Variants in XKR9 observed in about 807,000 individuals in gnomAD.
XKR9 encodes the protein XK-related protein 9.
XKR9 carries 32 observed loss-of-function variants against 32.0 expected under a neutral mutation model. The ratio of observed to expected loss-of-function variants is 1.00; its 90% CI spans 0.76 to 1.34. The LOEUF (loss-of-function observed/expected upper bound fraction) is 1.34, where lower values mean the gene tolerates loss of function less well. Ranked by LOEUF, XKR9 falls within the 40% of genes most tolerant of loss-of-function variation. The pLI is 0.00. For missense variants in XKR9, 546 were observed against 429.7 expected (o/e 1.27, Z -2.39); for synonymous variants, 168 against 143.4 (o/e 1.17, Z -1.22).
At chr8:71,061,925 G>A in the XKR9 span, among the ~76,000 whole-genome samples, 5 of 152,348 alleles carry the variant, frequency 3.3e-5, no homozygotes, top group African/African-American at 1.2e-4. Flanking sequence ...ACTGCAGCAT[G>A]TTATGATTAC....
chr8:70,861,917 G>A, the XKR9 span, among the ~76,000 whole-genome samples: 1 of 152,078 alleles, frequency 6.6e-6, no homozygotes, highest in Admixed American at 6.6e-5. Flanking sequence ...GCTTATATGT[G>A]TACATATATA....
the XKR9 span, among the ~76,000 whole-genome samples, chr8:70,992,593 T>C: frequency 6.6e-6 from 1 of 152,236 alleles, no homozygotes; most frequent in African/African-American, 2.4e-5. Context: ...CATTAATATC[T>C]TTCCTTTGTC....
chr8:70,752,332 G>T (rs954909545), intron 2 of XKR9, among the ~76,000 whole-genome samples: 1 of 152,176 alleles, frequency 6.6e-6, no homozygotes, highest in Non-Finnish European at 1.5e-5. Flanking sequence ...AAGGAAAGAG[G>T]TTTATTTATC....
At chr8:70,863,896 A>G in the XKR9 span, among the ~76,000 whole-genome samples, 1 of 152,200 alleles carries the variant, frequency 6.6e-6, no homozygotes. Flanking sequence ...TTACTATACC[A>G]ATGTAGTAAT....
intron 2 of XKR9, among the ~76,000 whole-genome samples, chr8:70,760,463 T>C (rs1807292286): frequency 6.6e-6 from 1 of 152,156 alleles, no homozygotes; most frequent in Non-Finnish European, 1.5e-5. Context: ...TATTTAGTAG[T>C]CACTATGCCT....
At chr8:70,977,492 A>C in the XKR9 span, among the ~76,000 whole-genome samples, 241 of 152,248 alleles carry the variant, frequency 1.6e-3, no homozygotes, top group African/African-American at 5.6e-3. Flanking sequence ...TTCGTTATTT[A>C]CCCAGCAGTC....
At chr8:70,771,398 CTG>C (rs1807451640) in intron 2 of XKR9, among the ~76,000 whole-genome samples, 1 of 152,314 alleles carries the variant, frequency 6.6e-6, no homozygotes, top group East Asian at 1.9e-4. Flanking sequence ...ACTTTCAAGA[CTG>C]TTTTTTATCC....
intron 2 of XKR9, among the ~76,000 whole-genome samples, chr8:70,749,912 A>G (rs1408388265): frequency 1.3e-5 from 2 of 152,254 alleles, no homozygotes; most frequent in South Asian, 2.1e-4. Flanking sequence ...TTTAGAAAAT[A>G]TAATCTACTG....
chr8:70,999,888 GAT>G, the XKR9 span, among the ~76,000 whole-genome samples: 1 of 152,130 alleles, frequency 6.6e-6, no homozygotes, highest in Non-Finnish European at 1.5e-5. Flanking sequence ...GGCTTATATT[GAT>G]AGTTGCTAAG....
the XKR9 span, among the ~76,000 whole-genome samples, chr8:70,857,757 C>G: frequency 6.6e-6 from 1 of 152,146 alleles, no homozygotes; most frequent in Non-Finnish European, 1.5e-5. Flanking sequence ...CATCAAAAAG[C>G]TTATCCGCCA....
chr8:70,682,299 A>T (rs1301486336), intron 3 of XKR9, among the ~76,000 whole-genome samples: 1 of 152,174 alleles, frequency 6.6e-6, no homozygotes. Flanking sequence ...TATGAGCAAT[A>T]TTGAGAATTA....
the XKR9 span, among the ~76,000 whole-genome samples, chr8:70,985,956 A>G: frequency 6.6e-6 from 1 of 152,194 alleles, no homozygotes; most frequent in African/African-American, 2.4e-5. Flanking sequence ...ATCGAAGTCT[A>G]GTAGACTGGA....
At chr8:71,024,081 T>C in the XKR9 span, among the ~76,000 whole-genome samples, 1 of 152,132 alleles carries the variant, frequency 6.6e-6, no homozygotes, top group African/African-American at 2.4e-5. Flanking sequence ...TCAGGTGGCG[T>C]ACATGGGAAC....
intron 3 of XKR9, among the ~76,000 whole-genome samples, chr8:70,692,728 A>G (rs922791360): frequency 6.6e-6 from 1 of 151,926 alleles, no homozygotes; most frequent in African/African-American, 2.4e-5. Flanking sequence ...ACAGGTGCCC[A>G]CCGCCACATC....
At chr8:70,901,382 T>A in the XKR9 span, among the ~76,000 whole-genome samples, 2 of 152,326 alleles carry the variant, frequency 1.3e-5, no homozygotes, top group African/African-American at 4.8e-5. Context: ...CTCATTGTGG[T>A]TTTGATTTGC....
the XKR9 span, among the ~76,000 whole-genome samples, chr8:70,853,674 T>A: frequency 6.6e-6 from 1 of 152,006 alleles, no homozygotes; most frequent in African/African-American, 2.4e-5. Context: ...TATCCCTCCC[T>A]CACTCCCCCC....
chr8:70,737,141 C>T (rs1302545210), downstream of XKR9, among the ~76,000 whole-genome samples: 7 of 143,518 alleles, frequency 4.9e-5, no homozygotes, highest in South Asian at 2.2e-4. Flanking sequence ...TCTTTTATTT[C>T]ACTGAGCAGT....
chr8:70,984,239 A>G, the XKR9 span, among the ~76,000 whole-genome samples: 7 of 152,192 alleles, frequency 4.6e-5, no homozygotes, highest in Non-Finnish European at 8.8e-5. Flanking sequence ...GTTCAGACCC[A>G]CTGCCTCAGA....
At chr8:70,849,361 G>T in the XKR9 span, among the ~76,000 whole-genome samples, 1 of 152,184 alleles carries the variant, frequency 6.6e-6, no homozygotes, top group Admixed American at 6.6e-5. Flanking sequence ...GCTCCAGAAT[G>T]ACTACTGGGT....
Sources: allele counts gnomAD v4.1 joint callset (sites outside exome capture counted in the v4.1 genomes callset), GRCh38; gene constraint gnomAD v4.1.1; transcripts MANE v1.5; gene names NCBI Gene and HGNC (gene_info 2026-07-23, HGNC 2026-07-21).